EYA3: variants seen among roughly 807,000 people sequenced by gnomAD.
The protein encoded by EYA3 is EYA transcriptional coactivator and phosphatase 3.
In EYA3, 39 loss-of-function variants were observed where a neutral mutation model predicts 80.0. That is an observed-to-expected ratio of 0.49 (90% CI 0.38 to 0.64). The LOEUF is 0.64. EYA3 is among the 30% of genes least tolerant of loss of function. The pLI is 0.00. For synonymous variants in EYA3, 206 were observed against 232.8 expected, an observed-to-expected ratio of 0.88 and a Z score of 1.05; for missense variants, 523 against 676.1, an observed-to-expected ratio of 0.77 and a Z score of 2.51.
intron 4 of EYA3, among the ~76,000 whole-genome samples, chr1:28,041,286 C>G (rs561971932): frequency 1.3e-5 from 2 of 152,266 alleles, no homozygotes; most frequent in South Asian, 4.2e-4. Flanking sequence ...ATGGCTTGAA[C>G]CTGGGAGGCA....
At chr1:28,049,751 A>G (rs578063652) in intron 2 of EYA3, among the ~76,000 whole-genome samples, 1 of 152,334 alleles carries the variant, frequency 6.6e-6, no homozygotes, top group South Asian at 2.1e-4. Flanking sequence ...CCTGGAAACT[A>G]TAAGGCTAAA....
intron 17 of EYA3, among the ~76,000 whole-genome samples, chr1:27,975,097 A>T (rs905258744): frequency 1.3e-5 from 2 of 152,226 alleles, no homozygotes; most frequent in Non-Finnish European, 1.5e-5. Flanking sequence ...TGGAGAATGT[A>T]CAGATCTGGG....
At chr1:28,040,912 G>A (rs1442022089) in intron 4 of EYA3, among the ~76,000 whole-genome samples, 1 of 152,176 alleles carries the variant, frequency 6.6e-6, no homozygotes, top group Non-Finnish European at 1.5e-5. Context: ...TTTCTTTACT[G>A]ACAGGAAGGA....
intron 1 of EYA3, among the ~76,000 whole-genome samples, chr1:28,065,262 TC>T (rs1386740135): frequency 3.3e-5 from 5 of 152,192 alleles, no homozygotes; most frequent in African/African-American, 1.2e-4. Context: ...GAAGATTAGT[TC>T]TTACCATAGA....
chr1:28,072,458 C>G (rs1645050292), intron 1 of EYA3, among the ~76,000 whole-genome samples: 1 of 151,586 alleles, frequency 6.6e-6, no homozygotes, highest in Non-Finnish European at 1.5e-5. Flanking sequence ...TACAGAGAGC[C>G]CTGGGGGAAG....
At chr1:28,063,134 T>C (rs1304617178) in intron 1 of EYA3, among the ~76,000 whole-genome samples, 1 of 151,914 alleles carries the variant, frequency 6.6e-6, no homozygotes, top group African/African-American at 2.4e-5. Context: ...TTATAGGTCC[T>C]AGAAAGAGAA....
At chr1:28,044,653 T>C (rs1168082297) in intron 3 of EYA3, among the ~76,000 whole-genome samples, 1 of 152,208 alleles carries the variant, frequency 6.6e-6, no homozygotes, top group Non-Finnish European at 1.5e-5. Flanking sequence ...AAATGTTGCT[T>C]ATATAAAAAA....
At chr1:28,007,565 C>G (rs1014428645) in intron 10 of EYA3, among the ~76,000 whole-genome samples, 2 of 151,806 alleles carry the variant, frequency 1.3e-5, no homozygotes, top group African/African-American at 2.4e-5. Context: ...GAACTCCTGA[C>G]CTTGTGATCT....
At chr1:27,983,357 G>T (rs566809592) in intron 16 of EYA3, among the ~76,000 whole-genome samples, 1 of 152,296 alleles carries the variant, frequency 6.6e-6, no homozygotes, top group African/African-American at 2.4e-5. Context: ...AACTTCATTA[G>T]ACATTAACGT....
chr1:28,081,092 C>T (rs1190372399), intron 1 of EYA3, among the ~76,000 whole-genome samples: 1 of 151,988 alleles, frequency 6.6e-6, no homozygotes, highest in Non-Finnish European at 1.5e-5. Context: ...TATAAGCAAG[C>T]CTCTGAAAGA....
At chr1:28,077,481 G>A (rs61384506) in intron 1 of EYA3, among the ~76,000 whole-genome samples, 4,709 of 152,184 alleles carry the variant, frequency 0.031, 251 homozygotes, top group East Asian at 0.25. Context: ...TATTAAGAAG[G>A]AGGAGGTTAA....
chr1:28,073,127 A>ATATATATATATATATATATATTTT (rs1553157671), intron 1 of EYA3, among the ~76,000 whole-genome samples: 3 of 14,998 alleles, frequency 2.0e-4, no homozygotes, highest in Non-Finnish European at 3.4e-4. Context: ...ATATATATAT[A>ATATATATATATATATATATATTTT]TTTTTTTTTT....
intron 17 of EYA3, among the ~76,000 whole-genome samples, chr1:27,976,749 G>A (rs948001812): frequency 3.3e-5 from 5 of 151,988 alleles, no homozygotes; most frequent in Non-Finnish European, 7.4e-5. Flanking sequence ...ACAGGGTCTT[G>A]TTCTGTTGCC....
At chr1:28,047,291 C>T (rs561788369) in intron 3 of EYA3, among the ~76,000 whole-genome samples, 1 of 152,140 alleles carries the variant, frequency 6.6e-6, no homozygotes, top group South Asian at 2.1e-4. Context: ...AGTCACCACG[C>T]CGAGCTAATT....
chr1:28,055,462 C>CTTT (rs531586344), intron 2 of EYA3, among the ~76,000 whole-genome samples: 117 of 106,944 alleles, frequency 1.1e-3, no homozygotes, highest in Non-Finnish European at 1.6e-3. Flanking sequence ...TAAAGAAAAT[C>CTTT]TTTTTTTTTT....
At chr1:28,054,037 A>G (rs1644359809) in intron 2 of EYA3, among the ~76,000 whole-genome samples, 1 of 152,216 alleles carries the variant, frequency 6.6e-6, no homozygotes, top group Admixed American at 6.5e-5. Context: ...GTTTATGTCA[A>G]GATTTATCCA....
intron 13 of EYA3, among the ~76,000 whole-genome samples, chr1:27,993,920 G>C (rs143732272): frequency 2.0e-5 from 3 of 152,148 alleles, no homozygotes; most frequent in Non-Finnish European, 4.4e-5. Flanking sequence ...CACAGTGATT[G>C]CAACTATGTA....
intron 7 of EYA3, among the ~76,000 whole-genome samples, chr1:28,021,613 T>TC (rs531938575): frequency 4.2e-5 from 6 of 144,480 alleles, no homozygotes; most frequent in African/African-American, 1.7e-4. Context: ...ATTCTTCTTT[T>TC]TTTTTTTTTA....
intron 16 of EYA3, among the ~76,000 whole-genome samples, chr1:27,983,114 T>C (rs1225374022): frequency 6.6e-6 from 1 of 152,168 alleles, no homozygotes; most frequent in African/African-American, 2.4e-5. Flanking sequence ...AGAGAGTATA[T>C]AGTATATATT....
Sources: allele counts gnomAD v4.1 joint callset (sites outside exome capture counted in the v4.1 genomes callset), GRCh38; gene constraint gnomAD v4.1.1; transcripts MANE v1.5; gene names NCBI Gene and HGNC (gene_info 2026-07-23, HGNC 2026-07-21).